PKHD1L1: variants seen among roughly 807,000 people sequenced by gnomAD.
PKHD1L1 encodes fibrocystin-L.
In PKHD1L1, 434 loss-of-function variants were observed where a neutral mutation model predicts 462.9. The ratio of observed to expected loss-of-function variants is 0.94; its 90% CI spans 0.87 to 1.02. The LOEUF (loss-of-function observed/expected upper bound fraction) is 1.02. PKHD1L1 is among the 50% of genes least tolerant of loss of function. The pLI, the probability that PKHD1L1 is intolerant of heterozygous loss-of-function variation, is 0.00. For missense variants in PKHD1L1, 5,202 were observed against 5,096.1 expected, an observed-to-expected ratio of 1.02 and a Z score of -0.63; for synonymous variants, 1,781 against 1,750.0, an observed-to-expected ratio of 1.02 and a Z score of -0.44.
At chr8:109,431,329 C>A (rs1815089931) in intron 27 of PKHD1L1, among the ~76,000 whole-genome samples, 1 of 152,094 alleles carries the variant, frequency 6.6e-6, no homozygotes, top group South Asian at 2.1e-4. Context: ...ATATATTTTT[C>A]ACTGAAAATT....
At chr8:109,390,531 TTCAACAGGG>T in intron 9 of PKHD1L1, 37 bp downstream of exon 9, 3 of 1,155,772 alleles carry the variant, frequency 2.6e-6, no homozygotes, top group Non-Finnish European at 3.6e-6. Context: ...TTATAATTGA[TTCAACAGGG>T]TAAATAAGAT....
rs771726001 is a variant in PKHD1L1 at position 109,485,194 on chromosome 8, CA to C, written c.9706+24del. Reference sequence around the variant, plus strand: ...CTTTGGTAAGTGGATGCTTTTTAACCAAATAGATATATAATTGTGTTGAAAG... The same window carrying C: ...CTTTGGTAAGTGGATGCTTTTTAACCAATAGATATATAATTGTGTTGAAAG... On this transcript the variant is annotated intron_variant, in intron 58 of 77. Transcript: ENST00000378402. The C allele has an allele frequency of 5.3e-6, 8 of 1,505,522 alleles. No individual in the cohort carries two copies. In the African/African-American group the frequency reaches 1.1e-4, roughly 21 times the overall value. The allele number at this position is 1,505,522 out of a possible 1,614,324, so 93.3% of individuals were successfully genotyped here. A position where few individuals can be genotyped will look rare whatever the true frequency, so the allele number is the denominator to read the frequency against.
In PKHD1L1 at chr8:109,436,456, A is replaced by G; in HGVS notation, c.3624A>G (p.Pro1208=). Residue 1208 remains proline (P), a synonymous_variant, in exon 30 of 78, where the codon CCA becomes CCG. Coordinates refer to ENST00000378402, the MANE Select transcript of PKHD1L1 (RefSeq NM_177531.6). ...TGAATAGGATAACCTGCAGGACACC[A>G]AAAGTAAGGCCTCTGATTTCAGTCA... ...GDLNRITCRT[P]KKTEGTVDIS... is the part of the protein sequence containing the mutation. The G allele has an allele frequency of 6.2e-7, 1 of 1,611,770 alleles. No individual in the cohort carries two copies. The highest frequency in any genetic ancestry group is 8.5e-7 in the Non-Finnish European group (1 of 1,179,290).
intron 4 of PKHD1L1, among the ~76,000 whole-genome samples, chr8:109,383,368 ATT>A: frequency 8.8e-6 from 1 of 113,788 alleles, no homozygotes; most frequent in East Asian, 2.2e-4. Context: ...ATTATAATAT[ATT>A]ATATAGTATG....
rs774270784 is a variant in PKHD1L1 at position 109,450,786 on chromosome 8, TG to T, written c.6176-186del. Among the ~76,000 whole-genome samples the T allele has an allele frequency of 7.9e-5, 12 of 152,330 alleles. No individual in the cohort carries two copies. In the East Asian group the frequency reaches 1.3e-3, roughly 17 times the overall value. On this transcript the variant is annotated intron_variant, in intron 40 of 77. Coordinates refer to ENST00000378402, the MANE Select transcript of PKHD1L1 (RefSeq NM_177531.6). ...GAAGGGCTTTTTCTTCTGTCGATAA[TG>T]GGCATGAACTTTTGTAATGTTTTTG...
Position 109,526,864 on chromosome 8 carries a change from GTC to G in PKHD1L1, c.12569_12570del (p.Ser4190Ter). The G allele has an allele frequency of 2.5e-6, 4 of 1,604,912 alleles. No homozygotes were observed. The highest frequency in any genetic ancestry group is 3.4e-6 in the Non-Finnish European group (4 of 1,175,158). On this transcript the variant is annotated frameshift_variant, in exon 77 of 78. Transcript: ENST00000378402. LOFTEE classifies it high-confidence loss of function. ...SRTFSLLAES[V>X]SSSGSSSSSN... is the part of the protein sequence containing the mutation. Reference sequence around the variant, plus strand: ...AACTTTCAGCCTGCTGGCAGAGTCTGTCTCTAGCAGTGGCAGCAGCAGCAGCA... The same window carrying G: ...AACTTTCAGCCTGCTGGCAGAGTCTGTCTAGCAGTGGCAGCAGCAGCAGCA...
chr8:109,416,663 A>C (rs1814188566), intron 21 of PKHD1L1, among the ~76,000 whole-genome samples: 1 of 152,186 alleles, frequency 6.6e-6, no homozygotes, highest in African/African-American at 2.4e-5. Context: ...CAGAGGAATT[A>C]TTGACTCAGA....
chr8:109,368,848 C>A (rs1329855781), intron 2 of PKHD1L1, among the ~76,000 whole-genome samples: 1 of 152,190 alleles, frequency 6.6e-6, no homozygotes, highest in Non-Finnish European at 1.5e-5. Context: ...AATACATCAA[C>A]ATGTCAGGAA....
intron 14 of PKHD1L1, 113 bp downstream of exon 14, chr8:109,401,701 T>C: frequency 1.8e-6 from 1 of 551,802 alleles, no homozygotes; most frequent in Non-Finnish European, 3.1e-6. Context: ...AGTTTATTGG[T>C]TTAATTTATA....
At chr8:109,504,681 TG>T (rs1819603677) in intron 68 of PKHD1L1, among the ~76,000 whole-genome samples, 189 bp downstream of exon 68, 1 of 152,226 alleles carries the variant, frequency 6.6e-6, no homozygotes, top group Non-Finnish European at 1.5e-5. Flanking sequence ...TTTTTAAAAC[TG>T]GGCTTTAATA....
In PKHD1L1 at chr8:109,459,580, T is replaced by C. The variant is rs781414555; in HGVS notation, c.7005-15T>C. On this transcript the variant is annotated splice_polypyrimidine_tract_variant and intron_variant, in intron 46 of 77. Coordinates refer to ENST00000378402, the MANE Select transcript of PKHD1L1 (RefSeq NM_177531.6). ...TTATATTAATTTTAAAATTTTTTTG[T>C]CAAAATTTTTACAGACACAGTCAAG... The C allele has an allele frequency of 1.3e-6, 2 of 1,485,820 alleles. No homozygotes were observed. Among genetic ancestry groups the C allele is most frequent in the African/African-American group, 2.8e-5 (2 of 70,298 alleles). The allele number at this position is 1,485,820 out of a possible 1,614,324, so 92.0% of individuals were successfully genotyped here. A position where few individuals can be genotyped will look rare whatever the true frequency, so the allele number is the denominator to read the frequency against.
At chr8:109,378,017 A>T (rs889119922) in intron 2 of PKHD1L1, among the ~76,000 whole-genome samples, 1 of 152,156 alleles carries the variant, frequency 6.6e-6, no homozygotes, top group Admixed American at 6.5e-5. Flanking sequence ...TCCCGTCAGC[A>T]TGCAAATATA....
chr8:109,525,159 G>A (rs1390734569), intron 76 of PKHD1L1, among the ~76,000 whole-genome samples: 1 of 152,162 alleles, frequency 6.6e-6, no homozygotes, highest in East Asian at 1.9e-4. Context: ...ATCAGACTGC[G>A]GCCTGACAGC....
At position 109,443,749 on chromosome 8, in the gene PKHD1L1, C is replaced by A. The variant is rs1224593507; in HGVS notation, c.4638C>A (p.Asn1546Lys). Reference sequence around the variant, plus strand: ...CAACAGAACCCCTGTGCAGCCTGAACAATACCAGGGTTAAAAATTCAAAAA... The same window carrying A: ...CAACAGAACCCCTGTGCAGCCTGAAAAATACCAGGGTTAAAAATTCAAAAA... ...CLATEPLCSLNNTRVKNSKRL... is the reference protein window; with the variant it reads ...CLATEPLCSLKNTRVKNSKRL... The change falls in exon 37 of 78, where the codon AAC becomes AAA. Residue 1546 changes from asparagine to lysine, a missense_variant. By Grantham distance (94) the Asn-to-Lys change is moderately conservative (BLOSUM62 0). Around this residue, in one of 3 missense-constraint regions of PKHD1L1, gnomAD observed 4,497 missense variants for 4,336.8 expected, o/e 1.04. Transcript: ENST00000378402. 6.2e-7 allele frequency: 1 copy of A among 1,613,788 alleles called. No individual in the cohort carries two copies. Among genetic ancestry groups the A allele is most frequent in the Non-Finnish European group, 8.5e-7 (1 of 1,179,774 alleles).
chr8:109,454,902 A>G (rs760878897), intron 45 of PKHD1L1, 50 bp downstream of exon 45: 16 of 1,556,504 alleles, frequency 1.0e-5, no homozygotes, highest in Non-Finnish European at 1.4e-5. Flanking sequence ...ACTCACCAGG[A>G]CACCAGGGAT....
At chr8:109,371,326 C>A (rs988877788) in intron 2 of PKHD1L1, among the ~76,000 whole-genome samples, 8 of 152,060 alleles carry the variant, frequency 5.3e-5, no homozygotes, top group African/African-American at 1.9e-4. Context: ...CTGTTCATAT[C>A]CTTTGCCCAC....
At chr8:109,419,381 C>G (rs1814350931) in intron 22 of PKHD1L1, 121 bp downstream of exon 22, 1 of 672,162 alleles carries the variant, frequency 1.5e-6, no homozygotes, top group Admixed American at 3.2e-5. Context: ...ATGAGTCACT[C>G]TTTTATCTGA....
intron 11 of PKHD1L1, among the ~76,000 whole-genome samples, chr8:109,396,397 G>C (rs913470980): frequency 3.9e-5 from 6 of 152,174 alleles, no homozygotes; most frequent in Admixed American, 2.0e-4. Flanking sequence ...CAGCATTGTA[G>C]CTGCCATCCA....
Position 109,526,763 on chromosome 8 carries a change from TATG to T in PKHD1L1, c.12485-17_12485-15del. 1 of 1,532,030 alleles carries T rather than the reference TATG, an allele frequency of 6.5e-7. No homozygotes were observed. The highest frequency in any genetic ancestry group is 8.8e-7 in the Non-Finnish European group (1 of 1,131,354). The allele number at this position is 1,532,030 out of a possible 1,614,324, so 94.9% of individuals were successfully genotyped here. On this transcript the variant is annotated intron_variant, in intron 76 of 77. Coordinates refer to ENST00000378402, the MANE Select transcript of PKHD1L1 (RefSeq NM_177531.6). ...GTAAAACATAAAGGAAATCAAACAC[TATG>T]ATGCTTTTTTTTTCCAGGAAAAAAT...
Sources: gnomAD v4.1 joint callset for allele counts (sites outside exome capture counted in the v4.1 genomes callset) on GRCh38, gnomAD v4.1.1 for gene constraint, gnomAD v4.1.1 regional missense constraint, MANE v1.5 for transcripts, NCBI Gene and HGNC (gene_info 2026-07-23, HGNC 2026-07-21) for gene names.